DYSF: variants seen among roughly 807,000 people sequenced by gnomAD.
The protein encoded by DYSF is dysferlin, also known as dystrophy-associated fer-1-like 1.
In DYSF, 212 loss-of-function variants were observed where a neutral mutation model predicts 274.9. That is an observed-to-expected ratio of 0.77 (90% confidence interval 0.69 to 0.86). DYSF has a LOEUF of 0.86. Ranked by LOEUF, DYSF falls within the 40% of genes least tolerant of loss-of-function variation. The probability of loss-of-function intolerance (pLI) is 0.00; values close to 1 mark genes in which losing one functional copy is unlikely to be tolerated. For synonymous variants in DYSF, 1,091 were observed against 1,078.7 expected (o/e 1.01, Z -0.22); for missense variants, 2,666 against 2,783.2 (o/e 0.96, Z 0.95).
At chr2:71,534,953 T>C (rs1040911354) in intron 14 of DYSF, 68 bp from the exon 15 acceptor site, 8 of 1,549,864 alleles carry the variant, frequency 5.2e-6, no homozygotes, top group Non-Finnish European at 4.5e-6. Context: ...CTGGCTGGCA[T>C]GTGGCCCCGG....
Position 71,683,329 on chromosome 2 carries a change from G to A in DYSF, c.6321+652G>A, listed in dbSNP as rs142377812. 6.5e-3 allele frequency among the ~76,000 whole-genome samples: 995 copies of A among 152,224 alleles called. 11 individuals carry two copies. The highest frequency in any genetic ancestry group is 0.023 in the African/African-American group (952 of 41,532). On this transcript the variant is annotated intron_variant, in intron 55 of 55. Transcript: ENST00000410020. ...TGGGGCCATACCAGAGGTGGCTGTC[G>A]TGCCCTTGCTCTGTGGGGCCCTGCC...
At position 71,570,443 on chromosome 2, in the gene DYSF, A is replaced by G. The variant is rs2092351699; in HGVS notation, c.3085+109A>G. Reference sequence around the variant, plus strand: ...CTTCACTGGGCTATTTCACCCAGGGACGCTTCTTGAAGGCACCCCCCACTC... The same window carrying G: ...CTTCACTGGGCTATTTCACCCAGGGGCGCTTCTTGAAGGCACCCCCCACTC... On this transcript the variant is annotated intron_variant, in intron 28 of 55. Transcript: ENST00000410020. 11 of 1,421,702 alleles carry G rather than the reference A, an allele frequency of 7.7e-6. No homozygotes were observed. The Admixed American group carries it at 2.1e-4, about 27-fold the overall frequency. 88.1% of individuals were successfully genotyped at this position (1,421,702 alleles called of 1,614,324 possible). A position where few individuals can be genotyped will look rare whatever the true frequency, so the allele number is the denominator to read the frequency against.
chr2:71,453,882 C>A (rs1050409068), exon 1 of DYSF: 5 of 1,017,102 alleles, frequency 4.9e-6, no homozygotes, highest in Non-Finnish European at 7.6e-6. Context: ...AGATTCGAGC[C>A]GGCCTCGCCC....
intron 17 of DYSF, among the ~76,000 whole-genome samples, chr2:71,550,182 A>G (rs2090829905): frequency 6.6e-6 from 1 of 152,234 alleles, no homozygotes; most frequent in African/African-American, 2.4e-5. Context: ...CATTTTGGAA[A>G]CAACCTCTTC....
At chr2:71,606,557 G>C (rs2093651653) in intron 36 of DYSF, among the ~76,000 whole-genome samples, 1 of 152,108 alleles carries the variant, frequency 6.6e-6, no homozygotes, top group Non-Finnish European at 1.5e-5. Context: ...TGCCCCTCAA[G>C]TGGGCTGGAC....
chr2:71,557,588 G>C (rs1037601467), intron 22 of DYSF, among the ~76,000 whole-genome samples: 1 of 152,136 alleles, frequency 6.6e-6, no homozygotes, highest in Non-Finnish European at 1.5e-5. Flanking sequence ...CTGGACATAC[G>C]GCAGGTGAGC....
At chr2:71,505,513 C>A (rs778114939) in intron 4 of DYSF, among the ~76,000 whole-genome samples, 3 of 152,188 alleles carry the variant, frequency 2.0e-5, no homozygotes, top group African/African-American at 7.2e-5. Flanking sequence ...TGGGGGAGGC[C>A]GGGAGTCCTG....
chr2:71,600,002 C>G (rs774567230), intron 33 of DYSF, among the ~76,000 whole-genome samples: 3 of 151,244 alleles, frequency 2.0e-5, no homozygotes, highest in African/African-American at 7.3e-5. Flanking sequence ...CTGGCACCTT[C>G]GGAGCAGGAG....
At chr2:71,669,533 C>T in intron 50 of DYSF, 72 bp from the exon 51 acceptor site, 2 of 1,587,380 alleles carry the variant, frequency 1.3e-6, no homozygotes, top group East Asian at 2.2e-5. Context: ...TCCTTGTCTG[C>T]CTAAGTTGAC....
chr2:71,472,639 T>C (rs556814946), intron 1 of DYSF, among the ~76,000 whole-genome samples: 54 of 152,234 alleles, frequency 3.5e-4, no homozygotes, highest in East Asian at 5.8e-4. Flanking sequence ...ATCTCCTGAC[T>C]TCGTGATCCA....
intron 43 of DYSF, among the ~76,000 whole-genome samples, chr2:71,656,699 T>G (rs1235752271): frequency 6.6e-6 from 1 of 152,026 alleles, no homozygotes; most frequent in African/African-American, 2.4e-5. Context: ...TCTTATATGG[T>G]GGCAGCAAGA....
At chr2:71,622,135 T>TTTTTTTTTTTTTTTG (rs1558651860) in intron 41 of DYSF, among the ~76,000 whole-genome samples, 2 of 138,612 alleles carry the variant, frequency 1.4e-5, no homozygotes, top group Non-Finnish European at 1.6e-5. Context: ...TCTTTGTTTT[T>TTTTTTTTTTTTTTTG]TTTTTTTTTT....
At chr2:71,573,475 C>T (rs1471785922) in intron 29 of DYSF, among the ~76,000 whole-genome samples, 1 of 152,184 alleles carries the variant, frequency 6.6e-6, no homozygotes, top group East Asian at 1.9e-4. Context: ...GGCAAGGGGG[C>T]TCCCGGGACT....
chr2:71,682,577 T>C lies in DYSF; in HGVS notation c.6221T>C (p.Met2074Thr). Residue 2074 changes from methionine to threonine, a missense_variant, in exon 55 of 56, where the codon ATG becomes ACG. By Grantham distance (81) the Met-to-Thr change is moderately conservative (BLOSUM62 -1). Coordinates refer to ENST00000410020, the MANE Select transcript of DYSF (RefSeq NM_001130987.2). The part of the protein sequence containing the change: ...FLWFTSPYKT[M>T]KFILWRRFRW... ...TGGTTTACCTCCCCATACAAGACCA[T>C]GAAGTTCATCCTGTGGCGGCGTTTC... 6.2e-7 allele frequency: 1 copy of C among 1,614,128 alleles called. No homozygotes were observed. The highest frequency in any genetic ancestry group is 1.1e-5 in the South Asian group (1 of 91,064).
At position 71,466,996 on chromosome 2, in the gene DYSF, C is replaced by T. The variant is rs531131137; in HGVS notation, c.91+63C>T. 2.5e-4 allele frequency: 378 copies of T among 1,529,910 alleles called. No homozygotes were observed. The highest frequency in any genetic ancestry group is 3.4e-4 in the Admixed American group (17 of 50,652). 94.8% of individuals were successfully genotyped at this position (1,529,910 alleles called of 1,614,324 possible). A position where few individuals can be genotyped will look rare whatever the true frequency, so the allele number is the denominator to read the frequency against. On this transcript the variant is annotated intron_variant, in intron 1 of 55. Transcript: ENST00000410020. The stretch of plus-strand genomic sequence containing the variant: ...CTACCCGACTCTCGGCGCTCACTGG[C>T]GGGTCTGAAGCCCCTGCTCCGGAGC...
At chr2:71,552,965 T>C (rs2091058562) in intron 19 of DYSF, 46 bp from the exon 20 acceptor site, 1 of 1,610,194 alleles carries the variant, frequency 6.2e-7, no homozygotes, top group East Asian at 2.2e-5. Context: ...CCTGGGTGCC[T>C]TTCTTTGCTC....
chr2:71,552,987 C>A (rs2303595), intron 19 of DYSF, 24 bp from the exon 20 acceptor site: 1 of 1,613,712 alleles, frequency 6.2e-7, no homozygotes, highest in African/African-American at 1.3e-5. Flanking sequence ...TCCCGTGACC[C>A]TCTGGTCTAC....
chr2:71,635,169 G>A (rs542021441), intron 41 of DYSF, among the ~76,000 whole-genome samples: 1 of 152,298 alleles, frequency 6.6e-6, no homozygotes, highest in South Asian at 2.1e-4. Context: ...AGGGTGTGCG[G>A]TGCCTTATCA....
intron 22 of DYSF, 115 bp downstream of exon 22, chr2:71,556,186 C>T (rs1349086996): frequency 5.9e-6 from 5 of 850,256 alleles, no homozygotes; most frequent in Middle Eastern, 3.3e-4. Flanking sequence ...CCACGCTTGG[C>T]CAGCAGTCCA....
Sources: gnomAD v4.1 joint callset for allele counts (sites outside exome capture counted in the v4.1 genomes callset) on GRCh38, gnomAD v4.1.1 for gene constraint, MANE v1.5 for transcripts, NCBI Gene and HGNC (gene_info 2026-07-23, HGNC 2026-07-21) for gene names.